Variants in PIBF1 observed in about 807,000 individuals in gnomAD.
PIBF1 encodes progesterone immunomodulatory binding factor 1, also known as progesterone-induced-blocking factor 1.
In PIBF1, 90 loss-of-function variants were observed where a neutral mutation model predicts 112.5. The ratio of observed to expected loss-of-function variants is 0.80; its 90% CI spans 0.67 to 0.95. The LOEUF (loss-of-function observed/expected upper bound fraction) is 0.95. PIBF1 is among the 40% of genes least tolerant of loss of function. The probability of loss-of-function intolerance (pLI) is 0.00; values close to 1 mark genes in which losing one functional copy is unlikely to be tolerated. For missense variants in PIBF1, 915 were observed against 852.3 expected (o/e 1.07, Z -0.92); for synonymous variants, 301 against 288.6 (o/e 1.04, Z -0.44).
Position 72,840,004 on chromosome 13 carries a change from A to G in PIBF1, c.1223+4636A>G, listed in dbSNP as rs777015608. On this transcript the variant is annotated intron_variant, in intron 9 of 17. Coordinates refer to ENST00000326291, the MANE Select transcript of PIBF1 (RefSeq NM_006346.4). Reference sequence around the variant, plus strand: ...ACAGGGCTCAGAATTGATTGGATGTATACTGAGGCTAGAGTGGACAATTGC... The same window carrying G: ...ACAGGGCTCAGAATTGATTGGATGTGTACTGAGGCTAGAGTGGACAATTGC... Among the ~76,000 whole-genome samples, 3 of 152,178 alleles carry G rather than the reference A, an allele frequency of 2.0e-5. No homozygotes were observed. The South Asian group carries it at 6.2e-4, about 31-fold the overall frequency.
intron 5 of PIBF1, among the ~76,000 whole-genome samples, chr13:72,812,879 G>A (rs964286053): frequency 1.3e-5 from 2 of 152,010 alleles, no homozygotes; most frequent in African/African-American, 4.8e-5. Flanking sequence ...GGTAGGGGTA[G>A]GGGAGCAGAG....
chr13:72,796,951 T>A (rs1490682741), intron 4 of PIBF1, among the ~76,000 whole-genome samples: 2 of 152,208 alleles, frequency 1.3e-5, no homozygotes, highest in Non-Finnish European at 2.9e-5. Flanking sequence ...TACCGTCATA[T>A]GTTAAGGAGT....
At chr13:72,961,575 C>T (rs1412062411) in intron 14 of PIBF1, among the ~76,000 whole-genome samples, 7 of 152,006 alleles carry the variant, frequency 4.6e-5, no homozygotes, top group East Asian at 1.9e-4. Context: ...AAAGGCTAGA[C>T]GTTTATCGCC....
chr13:72,895,120 C>A (rs2138580008), intron 11 of PIBF1, among the ~76,000 whole-genome samples: 1 of 151,540 alleles, frequency 6.6e-6, no homozygotes, highest in Admixed American at 6.6e-5. Flanking sequence ...AAGACTACAT[C>A]AAAAAAATTT....
At chr13:72,844,687 A>G (rs976215457) in intron 9 of PIBF1, among the ~76,000 whole-genome samples, 1 of 147,792 alleles carries the variant, frequency 6.8e-6, no homozygotes, top group Non-Finnish European at 1.5e-5. Context: ...AGGGCTGAGT[A>G]TGGATCATTA....
chr13:72,917,136 C>T lies in PIBF1; in HGVS notation c.1700C>T (p.Pro567Leu). The T allele has an allele frequency of 6.3e-7, 1 of 1,589,932 alleles. No homozygotes were observed. Among genetic ancestry groups the T allele is most frequent in the Non-Finnish European group, 8.6e-7 (1 of 1,168,232 alleles). The stretch of plus-strand genomic sequence containing the variant: ...TCCTACGGCTATGGTGCTAATGTTC[C>T]CACAACAGCCAAAAGACGACTAAAG... Reference protein sequence around the residue: ...LFSYGYGANVPTTAKRRLKQS... With the variant: ...LFSYGYGANVLTTAKRRLKQS... The change falls in exon 13 of 18, where the codon CCC (proline) becomes CTC (leucine). Residue 567 changes from proline to leucine, a missense_variant. Physicochemically the swap from Pro to Leu is moderately conservative, Grantham distance 98. Coordinates refer to ENST00000326291, the MANE Select transcript of PIBF1 (RefSeq NM_006346.4).
At chr13:72,904,433 C>CTTTTGTTTTTTTTTTTTTTTTTTT (rs2040611555) in intron 11 of PIBF1, among the ~76,000 whole-genome samples, 1 of 36,558 alleles carries the variant, frequency 2.7e-5, no homozygotes, top group African/African-American at 1.1e-4. Context: ...CAAAATATTT[C>CTTTTGTTTTTTTTTTTTTTTTTTT]TTTTTTTTTT....
At chr13:72,878,618 G>A (rs1049514278) in intron 10 of PIBF1, among the ~76,000 whole-genome samples, 1 of 152,126 alleles carries the variant, frequency 6.6e-6, no homozygotes, top group Non-Finnish European at 1.5e-5. Context: ...TTCTGCTATT[G>A]TTGATAAATT....
intron 16 of PIBF1, among the ~76,000 whole-genome samples, chr13:72,989,074 A>G (rs531513723): frequency 1.6e-3 from 251 of 152,294 alleles, no homozygotes; most frequent in Non-Finnish European, 3.0e-3. Flanking sequence ...GATCTGGAAT[A>G]TGTGTTAATA....
At chr13:72,993,543 G>T (rs1470631270) in intron 16 of PIBF1, among the ~76,000 whole-genome samples, 2 of 151,820 alleles carry the variant, frequency 1.3e-5, no homozygotes, top group Non-Finnish European at 2.9e-5. Context: ...AAAGAATCAG[G>T]ATGGCATCCT....
intron 6 of PIBF1, among the ~76,000 whole-genome samples, chr13:72,825,781 C>A (rs2036779788): frequency 6.6e-6 from 1 of 151,842 alleles, no homozygotes; most frequent in Admixed American, 6.6e-5. Flanking sequence ...TTAAAAAGAA[C>A]CAAGCTGGTT....
At chr13:72,998,308 A>C (rs2043745178) in intron 16 of PIBF1, among the ~76,000 whole-genome samples, 1 of 152,066 alleles carries the variant, frequency 6.6e-6, no homozygotes, top group Non-Finnish European at 1.5e-5. Flanking sequence ...ATCTTCAAAA[A>C]TTCCAAAATA....
intron 15 of PIBF1, among the ~76,000 whole-genome samples, chr13:72,967,282 A>T (rs1464571562): frequency 6.6e-6 from 1 of 152,148 alleles, no homozygotes; most frequent in Non-Finnish European, 1.5e-5. Flanking sequence ...ATTTCTTGTG[A>T]TGAGGAGGTA....
chr13:72,840,189 G>A (rs2037543278), intron 9 of PIBF1, among the ~76,000 whole-genome samples: 1 of 152,088 alleles, frequency 6.6e-6, no homozygotes, highest in African/African-American at 2.4e-5. Context: ...TCTTCATTAT[G>A]GCAGATTTAA....
At chr13:72,920,302 C>T (rs987509158) in intron 13 of PIBF1, among the ~76,000 whole-genome samples, 8 of 152,150 alleles carry the variant, frequency 5.3e-5, no homozygotes, top group African/African-American at 1.9e-4. Context: ...CATGGTGAGC[C>T]AGAGGGTTAT....
intron 10 of PIBF1, among the ~76,000 whole-genome samples, chr13:72,885,856 C>G (rs1326089656): frequency 6.6e-6 from 1 of 152,098 alleles, no homozygotes; most frequent in Non-Finnish European, 1.5e-5. Context: ...AAAAGTGTTG[C>G]TAATGATCCA....
rs2043202394 is a variant in PIBF1, at chr13:72,983,465, C to T, written c.2049+9790C>T. On this transcript the variant is annotated intron_variant, in intron 16 of 17. Transcript: ENST00000326291. ...TACTTAGAATGTACAAGGCCCCACA[C>T]TTACCTGAACATTGGACTAATTCTT... Among the ~76,000 whole-genome samples the T allele has an allele frequency of 2.0e-5, 3 of 152,294 alleles. No homozygotes were observed. The South Asian group carries it at 6.2e-4, about 32-fold the overall frequency.
At chr13:72,870,550 G>A (rs73218755) in intron 10 of PIBF1, among the ~76,000 whole-genome samples, 2,607 of 152,258 alleles carry the variant, frequency 0.017, 45 homozygotes, top group Non-Finnish European at 0.019. Flanking sequence ...TTGAACCTTT[G>A]TGCATGACAC....
intron 5 of PIBF1, among the ~76,000 whole-genome samples, chr13:72,799,006 G>A (rs1047111467): frequency 1.3e-5 from 2 of 152,178 alleles, no homozygotes; most frequent in South Asian, 4.1e-4. Flanking sequence ...GCTAGGTGCT[G>A]GCAGTGAACC....
Sources: allele counts gnomAD v4.1 joint callset (sites outside exome capture counted in the v4.1 genomes callset), GRCh38; gene constraint gnomAD v4.1.1; transcripts MANE v1.5; gene names NCBI Gene and HGNC (gene_info 2026-07-23, HGNC 2026-07-21).